Variants in DLG2 observed in about 807,000 individuals in gnomAD.
DLG2 encodes disks large homolog 2.
DLG2 carries 45 observed loss-of-function variants against 132.5 expected under a neutral mutation model. The ratio of observed to expected loss-of-function variants is 0.34; its 90% CI spans 0.27 to 0.44. The LOEUF (loss-of-function observed/expected upper bound fraction) is 0.44, where lower values mean the gene tolerates loss of function less well. DLG2 is among the 20% of genes least tolerant of loss of function. DLG2 has a pLI of 1.00. For missense variants in DLG2, 1,045 were observed against 1,196.9 expected, an observed-to-expected ratio of 0.87 and a Z score of 1.87; for synonymous variants, 424 against 419.6, an observed-to-expected ratio of 1.01 and a Z score of -0.13.
intron 7 of DLG2, among the ~76,000 whole-genome samples, chr11:84,480,213 T>G (rs11234043): frequency 0.27 from 40,687 of 151,932 alleles, 5,675 homozygotes; most frequent in South Asian, 0.41. Context: ...CCAAAATCTT[T>G]AAGTTGTTTC....
chr11:84,053,719 G>C (rs999495253), intron 11 of DLG2, among the ~76,000 whole-genome samples: 9 of 152,050 alleles, frequency 5.9e-5, no homozygotes, highest in Non-Finnish European at 1.2e-4. Flanking sequence ...TAGGCTCATG[G>C]CTGCTTGAAG....
chr11:85,147,948 C>A (rs1268867450), intron 5 of DLG2, among the ~76,000 whole-genome samples: 1 of 151,986 alleles, frequency 6.6e-6, no homozygotes, highest in South Asian at 2.1e-4. Flanking sequence ...ATTCCCCACA[C>A]TGTGTCCATG....
chr11:84,681,034 A>T (rs1486802911), intron 6 of DLG2, among the ~76,000 whole-genome samples: 1 of 152,226 alleles, frequency 6.6e-6, no homozygotes, highest in Non-Finnish European at 1.5e-5. Flanking sequence ...AACAAGATCC[A>T]TAAATATCTA....
chr11:85,142,059 A>G (rs1233480909), intron 5 of DLG2, among the ~76,000 whole-genome samples: 1 of 151,824 alleles, frequency 6.6e-6, no homozygotes, highest in Non-Finnish European at 1.5e-5. Context: ...CTGGTTCCAT[A>G]CAAATTTTAG....
At chr11:84,761,324 G>A in intron 6 of DLG2, among the ~76,000 whole-genome samples, 1 of 152,160 alleles carries the variant, frequency 6.6e-6, no homozygotes, top group South Asian at 2.1e-4. Context: ...AAATGGTTAT[G>A]GGGACTTTTT....
intron 3 of DLG2, among the ~76,000 whole-genome samples, chr11:85,566,828 C>T (rs1194124678): frequency 1.3e-5 from 2 of 152,066 alleles, no homozygotes; most frequent in Non-Finnish European, 2.9e-5. Flanking sequence ...TCTCTAATCC[C>T]CTTTGAGTCA....
intron 19 of DLG2, among the ~76,000 whole-genome samples, chr11:83,558,305 A>G (rs1372889079): frequency 6.6e-6 from 1 of 152,190 alleles, no homozygotes; most frequent in African/African-American, 2.4e-5. Context: ...AAACTGTCAG[A>G]AATTTAAAAA....
chr11:84,469,402 T>C (rs1407934264), intron 7 of DLG2, among the ~76,000 whole-genome samples: 2 of 151,582 alleles, frequency 1.3e-5, no homozygotes, highest in African/African-American at 2.4e-5. Flanking sequence ...AGAGTCTTAT[T>C]TGTATGGCCT....
intron 6 of DLG2, among the ~76,000 whole-genome samples, chr11:84,637,357 G>T (rs1227413151): frequency 1.3e-5 from 2 of 152,166 alleles, no homozygotes; most frequent in Non-Finnish European, 2.9e-5. Context: ...TGTTTATATT[G>T]AACTGAATGT....
At position 83,707,679 on chromosome 11, in the gene DLG2, CAAT is replaced by C. The variant is rs370957033; in HGVS notation, c.1826-74357_1826-74355del. 1.6e-3 allele frequency among the ~76,000 whole-genome samples: 246 copies of C among 152,232 alleles called. 1 individual carries two copies. The highest frequency in any genetic ancestry group is 5.6e-3 in the African/African-American group (231 of 41,544). ...GAGTGAGACTCGGTCTCAACAACAA[CAAT>C]AACAACAGCAATAACAAAAACACAA... On this transcript the variant is annotated intron_variant, in intron 18 of 27. Coordinates refer to ENST00000376104, the MANE Select transcript of DLG2 (RefSeq NM_001142699.3).
chr11:83,790,403 C>T, intron 17 of DLG2: 1 of 1,007,414 alleles, frequency 9.9e-7, no homozygotes, highest in South Asian at 1.4e-5. Context: ...TTCTGCCTCC[C>T]AACATGTGAT....
chr11:84,228,816 T>C (rs1311852348), intron 8 of DLG2, among the ~76,000 whole-genome samples: 2 of 152,176 alleles, frequency 1.3e-5, no homozygotes, highest in Admixed American at 1.3e-4. Context: ...GTGTAGTACA[T>C]TGGTAAAGCT....
intron 6 of DLG2, among the ~76,000 whole-genome samples, chr11:84,813,376 C>A (rs2153974326): frequency 6.6e-6 from 1 of 152,070 alleles, no homozygotes; most frequent in East Asian, 1.9e-4. Context: ...TCTGAACTTC[C>A]CGGAGGAGAT....
intron 19 of DLG2, among the ~76,000 whole-genome samples, chr11:83,602,983 C>T (rs923684930): frequency 5.3e-5 from 8 of 151,828 alleles, no homozygotes; most frequent in Non-Finnish European, 7.4e-5. Flanking sequence ...CTATGCTTTA[C>T]CATCTTTTTT....
chr11:83,693,939 A>G (rs911183418), intron 18 of DLG2: 1 of 152,196 alleles, frequency 6.6e-6, no homozygotes, highest in Admixed American at 6.5e-5. Context: ...GGAGTGCTGT[A>G]AAACCCAAAG....
intron 6 of DLG2, among the ~76,000 whole-genome samples, chr11:84,633,411 C>G (rs1420480966): frequency 6.6e-6 from 1 of 152,016 alleles, no homozygotes; most frequent in South Asian, 2.1e-4. Flanking sequence ...TCACCCACCC[C>G]CTACCTACTG....
chr11:84,231,833 A>G (rs1454021), intron 8 of DLG2, among the ~76,000 whole-genome samples: 104,290 of 151,826 alleles, frequency 0.69, 36,414 homozygotes, highest in Middle Eastern at 0.79. Flanking sequence ...TCAGAGGCAA[A>G]TGAGGGAGTC....
intron 18 of DLG2, among the ~76,000 whole-genome samples, chr11:83,719,813 T>C (rs1272888133): frequency 2.0e-5 from 3 of 152,066 alleles, no homozygotes; most frequent in East Asian, 3.8e-4. Context: ...ACTGACTCTA[T>C]AAAGAATATA....
intron 18 of DLG2, among the ~76,000 whole-genome samples, chr11:83,656,880 CA>C (rs112872295): frequency 3.9e-5 from 6 of 152,256 alleles, no homozygotes; most frequent in African/African-American, 1.4e-4. Flanking sequence ...CCCTTTCCAC[CA>C]CTTGCTTCCC....
Sources: allele counts gnomAD v4.1 joint callset (sites outside exome capture counted in the v4.1 genomes callset), GRCh38; gene constraint gnomAD v4.1.1; transcripts MANE v1.5; gene names NCBI Gene and HGNC (gene_info 2026-07-23, HGNC 2026-07-21).